The following ROCK2 variants were observed in gnomAD, a reference collection of about 807,000 sequenced individuals.
ROCK2 encodes the protein Rho associated coiled-coil containing protein kinase 2.
Under a neutral mutation model 195.1 loss-of-function variants are expected in ROCK2, and 61 were observed. The observed-to-expected ratio is 0.31, with a 90% CI of 0.25 to 0.39. The LOEUF is 0.39. Ranked by LOEUF, ROCK2 falls within the 10% of genes least tolerant of loss-of-function variation. ROCK2 has a pLI of 1.00. For synonymous variants in ROCK2, 504 were observed against 545.5 expected (o/e 0.92, Z 1.06); for missense variants, 1,109 against 1,637.4 (o/e 0.68, Z 5.57).
At chr2:11,306,376 T>C (rs980976023) in intron 1 of ROCK2, among the ~76,000 whole-genome samples, 1 of 152,198 alleles carries the variant, frequency 6.6e-6, no homozygotes, top group Non-Finnish European at 1.5e-5. Flanking sequence ...ATGTAAACTT[T>C]AAAAGTTCTA....
In ROCK2 at chr2:11,200,959, AAGCAATTGT is replaced by A; in HGVS notation, c.2899_2907del (p.Thr967_Ala969del). The stretch of plus-strand genomic sequence containing the variant: ...AAAGCACCAAGAATTTGACTTACAG[AAGCAATTGT>A]AGCATCTTTTTCCGTAAGTTCCTGT... On this transcript the variant is annotated inframe_deletion, in exon 23 of 33. Coordinates refer to ENST00000315872, the MANE Select transcript of ROCK2 (RefSeq NM_004850.5). 1 of 1,588,350 alleles carries A rather than the reference AAGCAATTGT, an allele frequency of 6.3e-7. No homozygotes were observed. The highest frequency in any genetic ancestry group is 8.5e-7 in the Non-Finnish European group (1 of 1,170,442).
At chr2:11,272,019 C>CAAA (rs34999311) in intron 3 of ROCK2, among the ~76,000 whole-genome samples, 2 of 113,764 alleles carry the variant, frequency 1.8e-5, no homozygotes. Context: ...GACTCCATCT[C>CAAA]AAAAAAAAAA....
intron 1 of ROCK2, among the ~76,000 whole-genome samples, chr2:11,302,671 T>C (rs2148218774): frequency 6.6e-6 from 1 of 152,348 alleles, no homozygotes; most frequent in East Asian, 1.9e-4. Context: ...TGAGATGCTC[T>C]GGTAAATGTA....
chr2:11,272,303 A>G (rs536930697), intron 3 of ROCK2, among the ~76,000 whole-genome samples: 1 of 152,326 alleles, frequency 6.6e-6, no homozygotes, highest in Non-Finnish European at 1.5e-5. Context: ...AGAAATAAAA[A>G]TCTCAATAAA....
At chr2:11,266,164 A>G (rs1666407928) in intron 3 of ROCK2, among the ~76,000 whole-genome samples, 1 of 152,224 alleles carries the variant, frequency 6.6e-6, no homozygotes, top group Admixed American at 6.5e-5. Flanking sequence ...TTCCTATGGT[A>G]ACAATGCCTT....
chr2:11,280,865 T>C (rs910518145), intron 3 of ROCK2, among the ~76,000 whole-genome samples: 1 of 152,142 alleles, frequency 6.6e-6, no homozygotes, highest in Non-Finnish European at 1.5e-5. Flanking sequence ...TAATGTATTT[T>C]AGAGGACAGA....
intron 9 of ROCK2, 84 bp from the exon 10 acceptor site, chr2:11,219,110 A>G: frequency 1.5e-6 from 1 of 662,562 alleles, no homozygotes; most frequent in South Asian, 2.5e-5. Flanking sequence ...TCAGACTTAA[A>G]TATCAAACAC....
intron 5 of ROCK2, among the ~76,000 whole-genome samples, chr2:11,231,132 T>C (rs1664992878): frequency 6.6e-6 from 1 of 152,128 alleles, no homozygotes; most frequent in South Asian, 2.1e-4. Flanking sequence ...ATCTTCTATT[T>C]AGTCAAATGG....
chr2:11,192,257 G>GCTTTTTAGGTAT lies in ROCK2; in HGVS notation c.4042_4053dup (p.Ile1348_Lys1351dup). 6.2e-7 allele frequency: 1 copy of GCTTTTTAGGTAT among 1,613,854 alleles called. No individual in the cohort carries two copies. The highest frequency in any genetic ancestry group is 8.5e-7 in the Non-Finnish European group (1 of 1,179,874). On this transcript the variant is annotated inframe_insertion, in exon 32 of 33. Transcript: ENST00000315872. The surrounding 1 kb of genome is among the most constrained non-coding windows in gnomAD (Gnocchi z 5.0). ...CGGGCAAAAGGGTCTGGAGCTGGGG[G>GCTTTTTAGGTAT]CTTTTTAGGTATCTTTTTCACCAAC... is the stretch of plus-strand genomic sequence containing the variant.
intron 4 of ROCK2, among the ~76,000 whole-genome samples, chr2:11,244,601 T>C (rs1665547333): frequency 6.6e-6 from 1 of 151,434 alleles, no homozygotes; most frequent in Non-Finnish European, 1.5e-5. Flanking sequence ...CCCCAATCTT[T>C]ACCAAAGATG....
In ROCK2 at chr2:11,207,881, T is replaced by A. The variant is rs1312051404; in HGVS notation, c.2394A>T (p.Gln798His). The A allele has an allele frequency of 8.2e-6, 13 of 1,588,852 alleles. No homozygotes were observed. Among genetic ancestry groups the A allele is most frequent in the Non-Finnish European group, 1.1e-5 (13 of 1,168,338 alleles). The part of the protein sequence containing the change: ...DVRNLTLKIE[Q>H]ETQKRCLTQN... ...GTGTAAGGCAGCGCTTCTGAGTTTC[T>A]TGCTCTATTTTTAATGTCAGGTTTC... is the stretch of plus-strand genomic sequence containing the variant. The change falls in exon 20 of 33, where the codon CAA becomes CAT. Residue 798 changes from glutamine (Q) to histidine (H), a missense_variant. Gln to His is a conservative substitution (Grantham distance 24). Transcript: ENST00000315872.
chr2:11,320,214 T>TA (rs1156274723), intron 1 of ROCK2, among the ~76,000 whole-genome samples: 2 of 152,192 alleles, frequency 1.3e-5, no homozygotes, highest in Non-Finnish European at 2.9e-5. Flanking sequence ...AAAACTGCTT[T>TA]AAAAAAATTT....
At chr2:11,343,417 T>C (rs1472760202) in intron 1 of ROCK2, among the ~76,000 whole-genome samples, 1 of 152,220 alleles carries the variant, frequency 6.6e-6, no homozygotes, top group Non-Finnish European at 1.5e-5. Context: ...TCTGGCGCAA[T>C]AATCTCAGGG....
At chr2:11,234,151 T>C (rs947851100) in intron 5 of ROCK2, 5 of 152,124 alleles carry the variant, frequency 3.3e-5, no homozygotes, top group Admixed American at 2.0e-4. Flanking sequence ...GTAAACAAAA[T>C]TAGGCCATGT....
At chr2:11,195,520 A>G (rs1255704687) in intron 27 of ROCK2, among the ~76,000 whole-genome samples, 1 of 152,002 alleles carries the variant, frequency 6.6e-6, no homozygotes, top group Non-Finnish European at 1.5e-5. Context: ...GTTTTATTTT[A>G]TTTCTTTTTT....
At chr2:11,189,673 A>AAAT (rs1417664142) in intron 32 of ROCK2, among the ~76,000 whole-genome samples, 9 of 152,124 alleles carry the variant, frequency 5.9e-5, no homozygotes, top group Non-Finnish European at 1.5e-5. Flanking sequence ...AGTGACTCTT[A>AAAT]AAATGTGACA....
chr2:11,321,963 G>A (rs1482975416), intron 1 of ROCK2, among the ~76,000 whole-genome samples: 1 of 152,000 alleles, frequency 6.6e-6, no homozygotes, highest in Admixed American at 6.6e-5. Flanking sequence ...TTAAAATAAG[G>A]TCATCAGAGT....
chr2:11,240,475 A>G (rs1386183926), intron 4 of ROCK2, among the ~76,000 whole-genome samples: 2 of 152,258 alleles, frequency 1.3e-5, no homozygotes, highest in Admixed American at 1.3e-4. Context: ...ATGTGGATGA[A>G]CCTTAAAAAC....
intron 4 of ROCK2, among the ~76,000 whole-genome samples, chr2:11,247,680 G>A (rs1665666133): frequency 6.6e-6 from 1 of 152,174 alleles, no homozygotes; most frequent in South Asian, 2.1e-4. Flanking sequence ...AAAGCTAAAA[G>A]TGAAACAAAT....
Sources: allele counts gnomAD v4.1 joint callset (sites outside exome capture counted in the v4.1 genomes callset), GRCh38; gene constraint gnomAD v4.1.1; non-coding constraint Gnocchi (gnomAD v3.1); transcripts MANE v1.5; gene names NCBI Gene and HGNC (gene_info 2026-07-23, HGNC 2026-07-21).